Variants in CLSTN2 observed in about 807,000 individuals in gnomAD.
CLSTN2 encodes calsyntenin-2.
CLSTN2 carries 48 observed loss-of-function variants against 101.2 expected under a neutral mutation model. The ratio of observed to expected loss-of-function variants is 0.47; its 90% confidence interval spans 0.38 to 0.60. The LOEUF (loss-of-function observed/expected upper bound fraction) is 0.60, where lower values mean the gene tolerates loss of function less well. Among genes scored for constraint, CLSTN2 ranks in the 20% least tolerant of loss-of-function variants. The probability of loss-of-function intolerance (pLI) is 0.00; values close to 1 mark genes in which losing one functional copy is unlikely to be tolerated. For synonymous variants in CLSTN2, 481 were observed against 463.6 expected, an observed-to-expected ratio of 1.04 and a Z score of -0.48; for missense variants, 1,160 against 1,238.2, an observed-to-expected ratio of 0.94 and a Z score of 0.95.
chr3:140,119,254 G>A (rs1474951787), intron 1 of CLSTN2, among the ~76,000 whole-genome samples: 1 of 152,216 alleles, frequency 6.6e-6, no homozygotes, highest in African/African-American at 2.4e-5. Context: ...CAGAATCCCA[G>A]AATCAAGTCA....
chr3:139,957,068 A>T (rs1233363350), intron 1 of CLSTN2, among the ~76,000 whole-genome samples: 2 of 152,220 alleles, frequency 1.3e-5, no homozygotes, highest in African/African-American at 4.8e-5. Context: ...TTAAAATATT[A>T]AATGATGATG....
chr3:139,973,876 A>G (rs1052068504), intron 1 of CLSTN2, among the ~76,000 whole-genome samples: 2 of 151,936 alleles, frequency 1.3e-5, no homozygotes, highest in Non-Finnish European at 2.9e-5. Flanking sequence ...TTGGGATTCA[A>G]TTTTCCCGCC....
At position 140,572,546 on chromosome 3, in the gene CLSTN2, G is replaced by A. The variant is rs1419181347; in HGVS notation, c.*6293G>A. On this transcript the variant is annotated 3_prime_UTR_variant, in exon 17 of 17. Coordinates refer to ENST00000458420, the MANE Select transcript of CLSTN2 (RefSeq NM_022131.3). The stretch of plus-strand genomic sequence containing the variant: ...CCTCCTGAGGCCCAACATCAGAGCT[G>A]AAGATCTAAGGAGGGCCCACCTCCA... 6.6e-6 allele frequency: 1 copy of A among 152,228 alleles called. No individual in the cohort carries two copies. 9.4% of individuals were successfully genotyped at this position (152,228 alleles called of 1,614,324 possible). A position where few individuals can be genotyped will look rare whatever the true frequency, so the allele number is the denominator to read the frequency against.
At chr3:140,105,378 C>T (rs970258126) in intron 1 of CLSTN2, among the ~76,000 whole-genome samples, 2 of 152,190 alleles carry the variant, frequency 1.3e-5, no homozygotes, top group African/African-American at 4.8e-5. Context: ...TAAACTCTCA[C>T]TCCAAACATC....
At chr3:140,117,246 C>T (rs1168171820) in intron 1 of CLSTN2, among the ~76,000 whole-genome samples, 1 of 152,162 alleles carries the variant, frequency 6.6e-6, no homozygotes, top group East Asian at 1.9e-4. Context: ...AGCCTCTGAC[C>T]TTCTCAGAGC....
At chr3:140,037,726 T>C (rs2007682085) in intron 1 of CLSTN2, among the ~76,000 whole-genome samples, 1 of 152,090 alleles carries the variant, frequency 6.6e-6, no homozygotes, top group Non-Finnish European at 1.5e-5. Context: ...GGCCTCAATG[T>C]GTGTTGTTCC....
At chr3:140,035,367 T>A (rs72981859) in intron 1 of CLSTN2, among the ~76,000 whole-genome samples, 10,730 of 152,304 alleles carry the variant, frequency 0.07, 436 homozygotes, top group East Asian at 0.16. Context: ...CATAGGGCAG[T>A]AGGAAGTGGA....
chr3:140,036,583 A>G (rs938491502), intron 1 of CLSTN2, among the ~76,000 whole-genome samples: 10 of 152,150 alleles, frequency 6.6e-5, no homozygotes, highest in African/African-American at 2.4e-4. Flanking sequence ...ATCTAGAAAC[A>G]TTTGGATTTT....
chr3:140,371,942 G>C (rs2087861929), intron 2 of CLSTN2, among the ~76,000 whole-genome samples: 1 of 152,160 alleles, frequency 6.6e-6, no homozygotes, highest in African/African-American at 2.4e-5. Flanking sequence ...TGGGAGGCCA[G>C]AGAGACCAAG....
intron 2 of CLSTN2, among the ~76,000 whole-genome samples, chr3:140,259,422 T>C (rs4616598): frequency 0.067 from 10,143 of 152,162 alleles, 411 homozygotes; most frequent in East Asian, 0.12. Context: ...TGCAATGAGC[T>C]GAGATTGCGC....
chr3:140,473,924 ATTTTTTG>A (rs1490428450), intron 8 of CLSTN2, among the ~76,000 whole-genome samples: 2 of 151,812 alleles, frequency 1.3e-5, no homozygotes. Context: ...CGCCAGGCTA[ATTTTTTG>A]TTTTTTGTTT....
intron 5 of CLSTN2, among the ~76,000 whole-genome samples, chr3:140,439,556 TCATTTGA>T (rs1237570438): frequency 1.3e-5 from 2 of 152,246 alleles, no homozygotes; most frequent in African/African-American, 4.8e-5. Flanking sequence ...TCTAGTTCTT[TCATTTGA>T]CATTTATTGA....
At chr3:140,453,308 A>C (rs913228333) in intron 6 of CLSTN2, 7 of 152,284 alleles carry the variant, frequency 4.6e-5, no homozygotes, top group Non-Finnish European at 1.0e-4. Flanking sequence ...ACAGAGTAAG[A>C]GCATGCTGCA....
At chr3:140,327,471 T>A (rs1191141687) in intron 2 of CLSTN2, among the ~76,000 whole-genome samples, 1 of 152,164 alleles carries the variant, frequency 6.6e-6, no homozygotes, top group Non-Finnish European at 1.5e-5. Context: ...TGGGCTCAGG[T>A]TAGGAATGTA....
At chr3:140,219,802 C>A (rs1217562052) in intron 2 of CLSTN2, among the ~76,000 whole-genome samples, 5 of 152,174 alleles carry the variant, frequency 3.3e-5, no homozygotes, top group Admixed American at 1.3e-4. Flanking sequence ...TGGCACCTCT[C>A]TGTGGATGTG....
At chr3:140,236,459 G>T (rs1187336165) in intron 2 of CLSTN2, among the ~76,000 whole-genome samples, 2 of 152,084 alleles carry the variant, frequency 1.3e-5, no homozygotes, top group Non-Finnish European at 2.9e-5. Flanking sequence ...TGTATTTTGT[G>T]TTTTTGTCAT....
At chr3:139,979,496 C>A (rs114979530) in intron 1 of CLSTN2, among the ~76,000 whole-genome samples, 1 of 152,086 alleles carries the variant, frequency 6.6e-6, no homozygotes, top group Non-Finnish European at 1.5e-5. Flanking sequence ...CACATCCCTG[C>A]GAGATTGCTC....
In CLSTN2 at chr3:140,459,680, A is replaced by G; in HGVS notation, c.1133A>G (p.Gln378Arg). The G allele has an allele frequency of 6.2e-7, 1 of 1,614,178 alleles. No homozygotes were observed. ...ATTGTGCCCAAGAACCTGACCGATC[A>G]GTTCACCATCACCATGTGGATGAAA... is the stretch of plus-strand genomic sequence containing the variant. The part of the protein sequence containing the change: ...DGIVPKNLTD[Q>R]FTITMWMKHG... Residue 378 changes from glutamine to arginine, a missense_variant, in exon 7 of 17, where the codon CAG becomes CGG. Coordinates refer to ENST00000458420, the MANE Select transcript of CLSTN2 (RefSeq NM_022131.3).
At chr3:140,357,568 T>A (rs749860103) in intron 2 of CLSTN2, among the ~76,000 whole-genome samples, 9 of 152,066 alleles carry the variant, frequency 5.9e-5, no homozygotes, top group African/African-American at 2.2e-4. Context: ...ACTTTAGCAC[T>A]CGCCCTGTTG....
Sources: gnomAD v4.1 joint callset for allele counts (sites outside exome capture counted in the v4.1 genomes callset) on GRCh38, gnomAD v4.1.1 for gene constraint, MANE v1.5 for transcripts, NCBI Gene and HGNC (gene_info 2026-07-23, HGNC 2026-07-21) for gene names.